RUNX2: variants seen among roughly 807,000 people sequenced by gnomAD.
RUNX2 encodes the protein runt-related transcription factor 2.
A neutral mutation model predicts 51.7 loss-of-function variants in RUNX2; 10 were observed. That is an observed-to-expected ratio of 0.19 (90% confidence interval 0.12 to 0.33). The LOEUF (loss-of-function observed/expected upper bound fraction) is 0.33. RUNX2 is among the 10% of genes least tolerant of loss of function. The probability of loss-of-function intolerance (pLI) is 1.00; values close to 1 mark genes in which losing one functional copy is unlikely to be tolerated. For missense variants in RUNX2, 562 were observed against 691.3 expected (o/e 0.81, Z 2.10); for synonymous variants, 276 against 273.6 (o/e 1.01, Z -0.09).
intron 2 of RUNX2, among the ~76,000 whole-genome samples, chr6:45,413,079 G>T (rs1563074727): frequency 6.6e-6 from 1 of 152,052 alleles, no homozygotes; most frequent in Non-Finnish European, 1.5e-5. Flanking sequence ...CTCTTGTAAA[G>T]ATTTGATAAT....
chr6:45,506,556 A>G (rs1242082444), intron 6 of RUNX2, among the ~76,000 whole-genome samples: 1 of 152,202 alleles, frequency 6.6e-6, no homozygotes, highest in Non-Finnish European at 1.5e-5. Context: ...CTAATATAGT[A>G]ATTAAAATAA....
chr6:45,355,851 AT>A (rs1038581111), intron 2 of RUNX2, among the ~76,000 whole-genome samples: 37 of 152,298 alleles, frequency 2.4e-4, no homozygotes, highest in African/African-American at 8.7e-4. Context: ...AAAGAATGTT[AT>A]TTTTGTTGAA....
At chr6:45,485,322 C>T (rs906281023) in intron 5 of RUNX2, among the ~76,000 whole-genome samples, 1 of 151,932 alleles carries the variant, frequency 6.6e-6, no homozygotes, top group Non-Finnish European at 1.5e-5. Context: ...CCTGCCTCAG[C>T]CTCCCGAGTA....
chr6:45,357,325 A>T (rs1793410635), intron 2 of RUNX2, among the ~76,000 whole-genome samples: 1 of 151,456 alleles, frequency 6.6e-6, no homozygotes. Context: ...ATTTTTATCT[A>T]GTACCTTTTT....
chr6:45,454,411 A>T (rs1799262777), intron 5 of RUNX2, among the ~76,000 whole-genome samples: 1 of 152,242 alleles, frequency 6.6e-6, no homozygotes, highest in Admixed American at 6.5e-5. Flanking sequence ...GCACAAACTG[A>T]CCAGAGGAAG....
At chr6:45,533,110 A>G (rs1209390379) in intron 7 of RUNX2, among the ~76,000 whole-genome samples, 1 of 150,116 alleles carries the variant, frequency 6.7e-6, no homozygotes, top group Non-Finnish European at 1.5e-5. Flanking sequence ...AGGAATAAAC[A>G]TTGAAGATGA....
At chr6:45,486,525 T>C (rs538959379) in intron 5 of RUNX2, among the ~76,000 whole-genome samples, 153 of 152,286 alleles carry the variant, frequency 1.0e-3, no homozygotes, top group African/African-American at 3.7e-3. Context: ...CCTAGGGAAT[T>C]TTTAAAATCA....
chr6:45,529,579 A>C (rs1297597534), intron 7 of RUNX2, among the ~76,000 whole-genome samples: 1 of 152,126 alleles, frequency 6.6e-6, no homozygotes. Flanking sequence ...CGGGAAGAAC[A>C]AAGAGATTGG....
intron 5 of RUNX2, among the ~76,000 whole-genome samples, chr6:45,485,143 T>C (rs2150402516): frequency 6.6e-6 from 1 of 152,126 alleles, no homozygotes; most frequent in South Asian, 2.1e-4. Flanking sequence ...TGCCAAAGTA[T>C]GGTTTTATTC....
intron 2 of RUNX2, among the ~76,000 whole-genome samples, chr6:45,381,776 A>G (rs1367655979): frequency 2.0e-5 from 3 of 152,234 alleles, no homozygotes; most frequent in Non-Finnish European, 2.9e-5. Flanking sequence ...AGATGTATCA[A>G]ATATGCTGAT....
intron 2 of RUNX2, among the ~76,000 whole-genome samples, chr6:45,345,824 C>T (rs953078271): frequency 1.3e-5 from 2 of 152,124 alleles, no homozygotes; most frequent in South Asian, 2.1e-4. Flanking sequence ...CCTCAGTCTG[C>T]CAAAGCTTGC....
At chr6:45,471,040 T>C (rs754959775) in intron 5 of RUNX2, among the ~76,000 whole-genome samples, 3 of 152,302 alleles carry the variant, frequency 2.0e-5, no homozygotes, top group Admixed American at 2.0e-4. Flanking sequence ...AGCTTTTCAG[T>C]TTTGCTAGTT....
At chr6:45,524,936 C>G (rs556609474) in intron 7 of RUNX2, among the ~76,000 whole-genome samples, 1 of 152,264 alleles carries the variant, frequency 6.6e-6, no homozygotes, top group East Asian at 1.9e-4. Flanking sequence ...AATGGTGAAA[C>G]CTCGTATCTA....
intron 2 of RUNX2, among the ~76,000 whole-genome samples, chr6:45,370,740 T>TA (rs1376004310): frequency 6.6e-6 from 1 of 152,138 alleles, no homozygotes; most frequent in East Asian, 1.9e-4. Context: ...GATAAACAGC[T>TA]AAAACTGTGC....
chr6:45,388,069 G>C (rs1797392673), intron 2 of RUNX2, among the ~76,000 whole-genome samples: 1 of 152,198 alleles, frequency 6.6e-6, no homozygotes, highest in African/African-American at 2.4e-5. Context: ...TCGAGAAGAA[G>C]CTGGTAAGGA....
At chr6:45,478,654 G>T (rs910130292) in intron 5 of RUNX2, among the ~76,000 whole-genome samples, 1 of 151,600 alleles carries the variant, frequency 6.6e-6, no homozygotes, top group Non-Finnish European at 1.5e-5. Flanking sequence ...GTGTGTGTGT[G>T]TGTGTGTGTA....
rs114926616 is a variant in RUNX2 at position 45,475,318 on chromosome 6, G to T, written c.686-16623G>T. ...GGGGAGGTTTTATTGAAGTCAAGGC[G>T]TTTGAGCTGAATCTTGAAGATTAGA... On this transcript the variant is annotated intron_variant, in intron 5 of 8. Coordinates refer to ENST00000647337, the MANE Select transcript of RUNX2 (RefSeq NM_001024630.4). Among the ~76,000 whole-genome samples the T allele has an allele frequency of 6.3e-3, 962 of 152,200 alleles. 9 individuals carry two copies. Among genetic ancestry groups the T allele is most frequent in the African/African-American group, 0.022 (900 of 41,514 alleles).
intron 5 of RUNX2, 118 bp downstream of exon 5, chr6:45,438,169 A>C: frequency 1.4e-6 from 1 of 709,036 alleles, no homozygotes; most frequent in Non-Finnish European, 2.5e-6. Flanking sequence ...GGACTTTGCT[A>C]TCTGCATATA....
intron 2 of RUNX2, chr6:45,361,517 A>C (rs1302255519): frequency 2.0e-5 from 3 of 152,146 alleles, no homozygotes; most frequent in African/African-American, 7.2e-5. Flanking sequence ...AATTCTTAAG[A>C]AGTTTGTTAA....
Sources: allele counts gnomAD v4.1 joint callset (sites outside exome capture counted in the v4.1 genomes callset), GRCh38; gene constraint gnomAD v4.1.1; transcripts MANE v1.5; gene names NCBI Gene and HGNC (gene_info 2026-07-23, HGNC 2026-07-21).